Variants in ARHGAP31 observed in about 807,000 individuals in gnomAD.
ARHGAP31 encodes the protein Rho GTPase activating protein 31, also known as rho GTPase-activating protein 31.
ARHGAP31 carries 34 observed loss-of-function variants against 113.9 expected under a neutral mutation model. The ratio of observed to expected loss-of-function variants is 0.30; its 90% CI spans 0.23 to 0.40. The LOEUF (loss-of-function observed/expected upper bound fraction) is 0.40. ARHGAP31 is among the 10% of genes least tolerant of loss of function. The probability of loss-of-function intolerance (pLI) is 1.00; values close to 1 mark genes in which losing one functional copy is unlikely to be tolerated. For missense variants in ARHGAP31, 1,548 were observed against 1,767.1 expected (o/e 0.88, Z 2.22); for synonymous variants, 650 against 684.8 (o/e 0.95, Z 0.79).
chr3:119,416,360 T>C lies in ARHGAP31; in HGVS notation c.*96T>C. On this transcript the variant is annotated 3_prime_UTR_variant, in exon 12 of 12. Coordinates refer to ENST00000264245, the MANE Select transcript of ARHGAP31 (RefSeq NM_020754.4). ...ATATTCCAGGCACACGTTATCAAGT[T>C]TGGGCCTATTGTGGCCTCTGACTTC... 1 of 1,568,590 alleles carries C rather than the reference T, an allele frequency of 6.4e-7. No individual in the cohort carries two copies. The highest frequency in any genetic ancestry group is 8.7e-7 in the Non-Finnish European group (1 of 1,155,628).
At position 119,332,629 on chromosome 3, in the gene ARHGAP31, TCTCTCTCACACACACACACACACA is replaced by T. The variant is rs1289078926; in HGVS notation, c.101-32685_101-32662del. Among the ~76,000 whole-genome samples the T allele has an allele frequency of 3.4e-4, 41 of 120,624 alleles. No individual in the cohort carries two copies. In the Middle Eastern group the frequency reaches 0.024, roughly 71 times the overall value. The allele number at this position is 120,624 out of a possible 152,430, so 79.1% of individuals were successfully genotyped here. ...TTCTCTCTCTCTCTCTCTCTCTCTC[TCTCTCTCACACACACACACACACA>T]CACACACACACACACACACACACGC... On this transcript the variant is annotated intron_variant, in intron 1 of 11. Coordinates refer to ENST00000264245, the MANE Select transcript of ARHGAP31 (RefSeq NM_020754.4).
intron 1 of ARHGAP31, among the ~76,000 whole-genome samples, chr3:119,328,007 A>G (rs1357870218): frequency 1.3e-5 from 2 of 152,244 alleles, no homozygotes; most frequent in Non-Finnish European, 2.9e-5. Flanking sequence ...AACCTGTTCC[A>G]GAAAATAAAT....
At chr3:119,401,461 T>A (rs1198525438) in intron 9 of ARHGAP31, among the ~76,000 whole-genome samples, 1 of 152,184 alleles carries the variant, frequency 6.6e-6, no homozygotes, top group African/African-American at 2.4e-5. Context: ...TCCTACCGCC[T>A]CCCATCTGTC....
chr3:119,345,863 G>C (rs559613090), intron 1 of ARHGAP31, among the ~76,000 whole-genome samples: 1 of 152,156 alleles, frequency 6.6e-6, no homozygotes, highest in African/African-American at 2.4e-5. Flanking sequence ...GACATAAAAA[G>C]GTGACACCTA....
intron 1 of ARHGAP31, among the ~76,000 whole-genome samples, chr3:119,362,743 G>C (rs908631414): frequency 1.3e-5 from 2 of 148,780 alleles, no homozygotes; most frequent in East Asian, 2.1e-4. Flanking sequence ...ACTCCAACCC[G>C]AGTGACAAGA....
At chr3:119,327,606 C>T (rs1197043232) in intron 1 of ARHGAP31, among the ~76,000 whole-genome samples, 2 of 152,154 alleles carry the variant, frequency 1.3e-5, no homozygotes, top group African/African-American at 4.8e-5. Context: ...TCTTCCCCCA[C>T]CTCTCCCACT....
chr3:119,395,647 C>T (rs2080544610), intron 8 of ARHGAP31, among the ~76,000 whole-genome samples: 1 of 152,160 alleles, frequency 6.6e-6, no homozygotes, highest in Non-Finnish European at 1.5e-5. Flanking sequence ...TCTCGGTATC[C>T]TTCACTGAGC....
intron 1 of ARHGAP31, among the ~76,000 whole-genome samples, chr3:119,356,084 A>G (rs1047141595): frequency 2.0e-5 from 3 of 152,216 alleles, no homozygotes; most frequent in African/African-American, 7.2e-5. Context: ...TGCAGTAAAT[A>G]TCTGCAGGAT....
chr3:119,320,176 TC>T (rs1441017325), intron 1 of ARHGAP31, among the ~76,000 whole-genome samples: 1 of 152,212 alleles, frequency 6.6e-6, no homozygotes, highest in African/African-American at 2.4e-5. Context: ...TGCTGCATTC[TC>T]CCTTCTACCA....
Position 119,409,516 on chromosome 3 carries a change from G to A in ARHGAP31, c.1666G>A (p.Gly556Ser), listed in dbSNP as rs745514035. 2 of 1,614,212 alleles carry A rather than the reference G, an allele frequency of 1.2e-6. No individual in the cohort carries two copies. The highest frequency in any genetic ancestry group is 1.3e-5 in the African/African-American group (1 of 75,054). Residue 556 changes from glycine to serine, a missense_variant, in exon 11 of 12, where the codon GGT becomes AGT. Coordinates refer to ENST00000264245, the MANE Select transcript of ARHGAP31 (RefSeq NM_020754.4). Reference protein sequence around the residue: ...TSAASVPKKAGLEDAKAVPEA... With the variant: ...TSAASVPKKASLEDAKAVPEA... ...TGCAGCTTCTGTACCTAAGAAGGCA[G>A]GTCTTGAGGATGCCAAGGCAGTACC...
At chr3:119,393,392 TA>T in intron 7 of ARHGAP31, 74 bp from the exon 8 acceptor site, 5 of 1,561,740 alleles carry the variant, frequency 3.2e-6, no homozygotes, top group Non-Finnish European at 4.4e-6. Flanking sequence ...ATAACTGGAA[TA>T]TTTGGTCTCA....
At chr3:119,320,073 A>T (rs1195250524) in intron 1 of ARHGAP31, among the ~76,000 whole-genome samples, 1 of 152,246 alleles carries the variant, frequency 6.6e-6, no homozygotes, top group African/African-American at 2.4e-5. Context: ...ATCCCAGAGC[A>T]AAAGCTTTGC....
intron 1 of ARHGAP31, among the ~76,000 whole-genome samples, chr3:119,351,029 C>T (rs1452971470): frequency 2.6e-5 from 4 of 152,122 alleles, no homozygotes; most frequent in Non-Finnish European, 2.9e-5. Flanking sequence ...CACAAGGATC[C>T]AGAAATCATT....
In ARHGAP31 at chr3:119,380,923, C is replaced by G; in HGVS notation, c.368C>G (p.Pro123Arg). The change falls in exon 4 of 12, where the codon CCT becomes CGT. Residue 123 changes from proline (P) to arginine (R), a missense_variant. Physicochemically the swap from Pro to Arg is moderately radical, Grantham distance 103 (BLOSUM62 -2). Coordinates refer to ENST00000264245, the MANE Select transcript of ARHGAP31 (RefSeq NM_020754.4). The stretch of plus-strand genomic sequence containing the variant: ...CCACAGGAGGCAGTGTCGCATTGCC[C>G]TGAAGAAGGCCAACTGGCCCGAATC... ...EKFTEAVSHCPEEGQLARIQN... is the reference protein window; with the variant it reads ...EKFTEAVSHCREEGQLARIQN... 2 of 1,614,144 alleles carry G rather than the reference C, an allele frequency of 1.2e-6. No individual in the cohort carries two copies. The highest frequency in any genetic ancestry group is 2.2e-5 in the South Asian group (2 of 91,076).
intron 1 of ARHGAP31, among the ~76,000 whole-genome samples, chr3:119,305,665 G>A (rs1049078812): frequency 6.6e-6 from 1 of 152,114 alleles, no homozygotes; most frequent in Non-Finnish European, 1.5e-5. Context: ...TGCTTTTTGG[G>A]GCCTATATTT....
chr3:119,363,310 C>G (rs1184589566), intron 1 of ARHGAP31, among the ~76,000 whole-genome samples: 1 of 152,190 alleles, frequency 6.6e-6, no homozygotes. Context: ...ACCAAGAACC[C>G]TATTTTATAA....
rs191170289 is a variant in ARHGAP31 at position 119,418,512 on chromosome 3, T to C, written c.*2248T>C. On this transcript the variant is annotated 3_prime_UTR_variant, in exon 12 of 12. Coordinates refer to ENST00000264245, the MANE Select transcript of ARHGAP31 (RefSeq NM_020754.4). The stretch of plus-strand genomic sequence containing the variant: ...GAAAGAGCTGCACTTTGCTTCACCA[T>C]CAGAACTCTGAGCCAAATAATGAAT... 5.9e-5 allele frequency: 9 copies of C among 152,302 alleles called. No individual in the cohort carries two copies. The East Asian group carries it at 1.7e-3, about 29-fold the overall frequency. 9.4% of individuals were successfully genotyped at this position (152,302 alleles called of 1,614,324 possible). A position where few individuals can be genotyped will look rare whatever the true frequency, so the allele number is the denominator to read the frequency against.
At chr3:119,321,712 G>A (rs546857766) in intron 1 of ARHGAP31, among the ~76,000 whole-genome samples, 1 of 152,102 alleles carries the variant, frequency 6.6e-6, no homozygotes, top group Non-Finnish European at 1.5e-5. Flanking sequence ...GCAGTGTCAC[G>A]ATCTCAGCTC....
intron 1 of ARHGAP31, among the ~76,000 whole-genome samples, chr3:119,319,253 T>G (rs1363507061): frequency 6.6e-6 from 1 of 151,726 alleles, no homozygotes; most frequent in Non-Finnish European, 1.5e-5. Context: ...CTCTAGAGTT[T>G]TTTTTGTTTC....
Sources: allele counts gnomAD v4.1 joint callset (sites outside exome capture counted in the v4.1 genomes callset), GRCh38; gene constraint gnomAD v4.1.1; transcripts MANE v1.5; gene names NCBI Gene and HGNC (gene_info 2026-07-23, HGNC 2026-07-21).